The following UCK2 variants were observed in gnomAD, a reference collection of about 807,000 sequenced individuals.
The protein encoded by UCK2 is uridine-cytidine kinase 2.
Under a neutral mutation model 30.8 loss-of-function variants are expected in UCK2, and 6 were observed. That is an observed-to-expected ratio of 0.19 (90% confidence interval 0.11 to 0.38). The LOEUF (loss-of-function observed/expected upper bound fraction) is 0.38. Among genes scored for constraint, UCK2 ranks in the 10% least tolerant of loss-of-function variants. UCK2 has a pLI of 1.00. For missense variants in UCK2, 210 were observed against 339.8 expected, an observed-to-expected ratio of 0.62 and a Z score of 3.00; for synonymous variants, 125 against 133.6, an observed-to-expected ratio of 0.94 and a Z score of 0.45.
Position 165,852,811 on chromosome 1 carries a change from TG to T in UCK2, c.99+24880del, listed in dbSNP as rs573861785. Among the ~76,000 whole-genome samples the T allele has an allele frequency of 5.6e-3, 848 of 152,314 alleles. 7 individuals are homozygous for T. Among genetic ancestry groups the T allele is most frequent in the Non-Finnish European group, 7.6e-3 (515 of 68,030 alleles). On this transcript the variant is annotated intron_variant, in intron 1 of 6. Coordinates refer to ENST00000367879, the MANE Select transcript of UCK2 (RefSeq NM_012474.5). Reference sequence around the variant, plus strand: ...AGAAAGGAGAAAGAATGGGTGGGTATGTGGACAAACGGTGCAGGGAAATAGA... The same window carrying T: ...AGAAAGGAGAAAGAATGGGTGGGTATTGGACAAACGGTGCAGGGAAATAGA...
In UCK2 at chr1:165,910,485, G is replaced by A. The variant is rs1298145805; in HGVS notation, c.*2662G>A. On this transcript the variant is annotated 3_prime_UTR_variant, in exon 7 of 7. Coordinates refer to ENST00000367879, the MANE Select transcript of UCK2 (RefSeq NM_012474.5). ...GGTTCTCTCTTCCTGCCCAGGTATT[G>A]TGTGTGGACCAAGTGTTTAGGAAAC... is the stretch of plus-strand genomic sequence containing the variant. 1 of 152,344 alleles carries A rather than the reference G, an allele frequency of 6.6e-6. No individual in the cohort carries two copies. Among genetic ancestry groups the A allele is most frequent in the African/African-American group, 2.4e-5 (1 of 41,442 alleles). 9.4% of individuals were successfully genotyped at this position (152,344 alleles called of 1,614,324 possible).
chr1:165,854,157 T>C (rs527625216), intron 1 of UCK2, among the ~76,000 whole-genome samples: 1 of 152,298 alleles, frequency 6.6e-6, no homozygotes, highest in African/African-American at 2.4e-5. Context: ...TAGGAAGCAT[T>C]GGAGCAGTGG....
chr1:165,893,315 C>G (rs982746054), intron 3 of UCK2, among the ~76,000 whole-genome samples: 1 of 152,200 alleles, frequency 6.6e-6, no homozygotes, highest in Non-Finnish European at 1.5e-5. Flanking sequence ...CACGTTTCCT[C>G]CTGATTTATC....
At chr1:165,833,936 C>T (rs993842908) in intron 1 of UCK2, among the ~76,000 whole-genome samples, 10 of 151,120 alleles carry the variant, frequency 6.6e-5, no homozygotes, top group African/African-American at 1.9e-4. Flanking sequence ...ATAAGTATAA[C>T]CCATATATAA....
chr1:165,865,835 A>G (rs760173348), intron 1 of UCK2, among the ~76,000 whole-genome samples: 13 of 152,328 alleles, frequency 8.5e-5, no homozygotes, highest in Non-Finnish European at 1.3e-4. Context: ...CACTCGCACA[A>G]TGAGACTTTG....
Position 165,885,496 on chromosome 1 carries a change from C to G in UCK2, c.100-4708C>G, listed in dbSNP as rs1655594680. Reference sequence around the variant, plus strand: ...AACTTTGTATTTGGACAACACCCAACAGTCCTAGCAGACCTTTAACCCTCC... The same window carrying G: ...AACTTTGTATTTGGACAACACCCAAGAGTCCTAGCAGACCTTTAACCCTCC... On this transcript the variant is annotated intron_variant, in intron 1 of 6. Transcript: ENST00000367879. 3 of 393,412 alleles carry G rather than the reference C, an allele frequency of 7.6e-6. No individual in the cohort carries two copies. The East Asian group carries it at 1.1e-4, about 14-fold the overall frequency. The allele number at this position is 393,412 out of a possible 1,614,324, so 24.4% of individuals were successfully genotyped here.
At chr1:165,877,090 A>G (rs1026842422) in intron 1 of UCK2, among the ~76,000 whole-genome samples, 1 of 152,192 alleles carries the variant, frequency 6.6e-6, no homozygotes, top group East Asian at 1.9e-4. Flanking sequence ...ACTCACTTAT[A>G]AATGGTCCAC....
At chr1:165,839,751 C>T in intron 1 of UCK2, among the ~76,000 whole-genome samples, 1 of 152,150 alleles carries the variant, frequency 6.6e-6, no homozygotes, top group East Asian at 1.9e-4. Context: ...CCTATTCCTA[C>T]ATCTGTGAAA....
intron 1 of UCK2, among the ~76,000 whole-genome samples, chr1:165,836,189 C>T (rs936725116): frequency 6.6e-6 from 1 of 151,954 alleles, no homozygotes; most frequent in African/African-American, 2.4e-5. Flanking sequence ...GATTGCACCA[C>T]TACACTCCAG....
chr1:165,895,946 T>C (rs1340249962), intron 3 of UCK2: 6 of 410,024 alleles, frequency 1.5e-5, no homozygotes, highest in Non-Finnish European at 2.6e-5. Context: ...CGTGTATTTC[T>C]GTTTCATGGT....
intron 1 of UCK2, among the ~76,000 whole-genome samples, chr1:165,880,095 A>C (rs1476344564): frequency 1.3e-5 from 2 of 152,260 alleles, no homozygotes; most frequent in African/African-American, 4.8e-5. Flanking sequence ...GTGCTGTTAC[A>C]TCCACATTAA....
At chr1:165,903,127 G>A in intron 4 of UCK2, 55 bp from the exon 5 acceptor site, 2 of 1,409,666 alleles carry the variant, frequency 1.4e-6, no homozygotes, top group Non-Finnish European at 9.9e-7. Context: ...ATGAAGGGCG[G>A]GTGTGTGCTG....
chr1:165,877,017 A>G (rs1655353837), intron 1 of UCK2, among the ~76,000 whole-genome samples: 1 of 152,134 alleles, frequency 6.6e-6, no homozygotes, highest in Non-Finnish European at 1.5e-5. Context: ...TTTCCAAATA[A>G]GGTCATATTT....
intron 1 of UCK2, among the ~76,000 whole-genome samples, chr1:165,868,101 T>A (rs1389126867): frequency 2.0e-5 from 3 of 152,238 alleles, no homozygotes. Context: ...CTAGGTGCAT[T>A]GCTGATGAGC....
intron 6 of UCK2, 23 bp downstream of exon 6, chr1:165,905,992 C>A (rs565458595): frequency 6.2e-7 from 1 of 1,609,130 alleles, no homozygotes. Context: ...AGAGTGTCAT[C>A]CTGGAGTATA....
chr1:165,858,240 G>A (rs752074080), intron 1 of UCK2, among the ~76,000 whole-genome samples: 1 of 152,164 alleles, frequency 6.6e-6, no homozygotes, highest in African/African-American at 2.4e-5. Flanking sequence ...TGTCATAGGG[G>A]AGAGAGTAGA....
intron 1 of UCK2, among the ~76,000 whole-genome samples, chr1:165,850,945 T>TAAA (rs1171883532): frequency 7.9e-6 from 1 of 127,096 alleles, no homozygotes; most frequent in African/African-American, 2.7e-5. Flanking sequence ...TTTTTTTTTT[T>TAAA]TTTTTTTTTA....
chr1:165,901,677 T>C (rs1647471154), intron 4 of UCK2, among the ~76,000 whole-genome samples: 1 of 152,112 alleles, frequency 6.6e-6, no homozygotes, highest in African/African-American at 2.4e-5. Flanking sequence ...TAGATTAAGA[T>C]AGCATTTAAA....
At chr1:165,855,726 G>A (rs192371203) in intron 1 of UCK2, among the ~76,000 whole-genome samples, 1 of 152,186 alleles carries the variant, frequency 6.6e-6, no homozygotes, top group Non-Finnish European at 1.5e-5. Context: ...ACCTGTGATG[G>A]GGAACATGAA....
Sources: allele counts gnomAD v4.1 joint callset (sites outside exome capture counted in the v4.1 genomes callset), GRCh38; gene constraint gnomAD v4.1.1; transcripts MANE v1.5; gene names NCBI Gene and HGNC (gene_info 2026-07-23, HGNC 2026-07-21).